The following ASB3 variants were observed in gnomAD, a reference collection of about 807,000 sequenced individuals.
The protein encoded by ASB3 is ankyrin repeat and SOCS box protein 3.
ASB3 carries 41 observed loss-of-function variants against 54.5 expected under a neutral mutation model. The observed-to-expected ratio is 0.75, with a 90% confidence interval of 0.59 to 0.98. The LOEUF (loss-of-function observed/expected upper bound fraction) is 0.98. Ranked by LOEUF, ASB3 falls within the 50% of genes least tolerant of loss-of-function variation. ASB3 has a pLI of 0.00. For synonymous variants in ASB3, 266 were observed against 221.2 expected, an observed-to-expected ratio of 1.20 and a Z score of -1.80; for missense variants, 733 against 620.0, an observed-to-expected ratio of 1.18 and a Z score of -1.94.
chr2:53,730,552 G>C (rs973133851), intron 3 of ASB3, among the ~76,000 whole-genome samples: 1 of 151,992 alleles, frequency 6.6e-6, no homozygotes, highest in African/African-American at 2.4e-5. Context: ...TATTCCTCTG[G>C]GTATATACCC....
At chr2:53,748,357 A>G (rs1672339386) in intron 3 of ASB3, 1 of 152,188 alleles carries the variant, frequency 6.6e-6, no homozygotes, top group Non-Finnish European at 1.5e-5. Context: ...GAGCCTCAAT[A>G]AATGCTTCCT....
rs530726708 is a variant in ASB3 at position 53,759,550 on chromosome 2, A to G, written c.196+5827T>C. On this transcript the variant is annotated intron_variant, in intron 2 of 9. Transcript: ENST00000263634. ...ACCTCAGTTTTTTATAATAAAGATC[A>G]GGAGGAGCAGGCAGAACGGGATAAA... is the stretch of plus-strand genomic sequence containing the variant. 3.3e-5 allele frequency among the ~76,000 whole-genome samples: 5 copies of G among 152,280 alleles called. No homozygotes were observed. The South Asian group carries it at 8.3e-4, about 25-fold the overall frequency.
At chr2:53,709,416 A>T (rs7609067) in intron 7 of ASB3, among the ~76,000 whole-genome samples, 25,447 of 152,184 alleles carry the variant, frequency 0.17, 2,275 homozygotes, top group African/African-American at 0.23. Flanking sequence ...GATGCCCAGC[A>T]TAAAGGGCCT....
Position 53,757,289 on chromosome 2 carries a change from G to A in ASB3, c.197-6348C>T, listed in dbSNP as rs189969388. On this transcript the variant is annotated intron_variant, in intron 2 of 9. Coordinates refer to ENST00000263634, the MANE Select transcript of ASB3 (RefSeq NM_016115.5). ...ATCTGGGAAAGGGCTTTCTAACAAC[G>A]TCCAACCCTTCTGGGTTGGGAGCGT... 3.4e-3 allele frequency among the ~76,000 whole-genome samples: 511 copies of A among 152,320 alleles called. 1 individual carries two copies. The highest frequency in any genetic ancestry group is 0.02 in the Middle Eastern group (6 of 294).
At chr2:53,766,621 A>G (rs1035813353) in intron 1 of ASB3, among the ~76,000 whole-genome samples, 5 of 152,258 alleles carry the variant, frequency 3.3e-5, no homozygotes, top group African/African-American at 1.2e-4. Flanking sequence ...AAAAGGAAGT[A>G]CAGCAACTGT....
At chr2:53,695,562 T>C (rs1669138823) in intron 8 of ASB3, among the ~76,000 whole-genome samples, 1 of 152,108 alleles carries the variant, frequency 6.6e-6, no homozygotes, top group Non-Finnish European at 1.5e-5. Context: ...CAAAGTCATT[T>C]TTATGCAGTT....
intron 7 of ASB3, among the ~76,000 whole-genome samples, chr2:53,709,190 G>C (rs551509521): frequency 6.6e-6 from 1 of 152,190 alleles, no homozygotes; most frequent in Non-Finnish European, 1.5e-5. Context: ...GTGCCCCACT[G>C]TCCTCCACAG....
At chr2:53,743,855 C>T (rs1459495591) in intron 3 of ASB3, among the ~76,000 whole-genome samples, 4 of 151,930 alleles carry the variant, frequency 2.6e-5, no homozygotes, top group Non-Finnish European at 5.9e-5. Context: ...CCAGCCTGGC[C>T]AACATGGTGA....
At chr2:53,679,651 A>G (rs991302559) in intron 9 of ASB3, among the ~76,000 whole-genome samples, 1 of 152,158 alleles carries the variant, frequency 6.6e-6, no homozygotes, top group Non-Finnish European at 1.5e-5. Context: ...TCCCATCTCA[A>G]AAAGAAAACT....
intron 3 of ASB3, among the ~76,000 whole-genome samples, chr2:53,744,042 CAAA>C (rs754362156): frequency 1.2e-4 from 10 of 86,008 alleles, no homozygotes; most frequent in Admixed American, 2.4e-4. Context: ...GACTCTGTCT[CAAA>C]AAAAAAAAAA....
At chr2:53,713,133 A>T (rs889888021) in intron 7 of ASB3, among the ~76,000 whole-genome samples, 3 of 152,228 alleles carry the variant, frequency 2.0e-5, no homozygotes, top group African/African-American at 7.2e-5. Flanking sequence ...TGAGGCCAGG[A>T]GTTCGAGACC....
In ASB3 at chr2:53,744,687, T is replaced by C. The variant is rs576290658; in HGVS notation, c.355+6096A>G. 8.5e-5 allele frequency among the ~76,000 whole-genome samples: 13 copies of C among 152,204 alleles called. No homozygotes were observed. In the South Asian group the frequency reaches 2.5e-3, roughly 29 times the overall value. ...TATTAACATAATATATAAAGAGATA[T>C]GAATGTGAAACCACAAAATTCATAG... On this transcript the variant is annotated intron_variant, in intron 3 of 9. Transcript: ENST00000263634.
At chr2:53,768,998 T>G (rs1243614367) in intron 1 of ASB3, among the ~76,000 whole-genome samples, 1 of 152,244 alleles carries the variant, frequency 6.6e-6, no homozygotes, top group Non-Finnish European at 1.5e-5. Flanking sequence ...TTAGAAACCA[T>G]TCTATCTCAA....
intron 8 of ASB3, 146 bp downstream of exon 8, chr2:53,700,125 G>A: frequency 7.9e-7 from 1 of 1,267,472 alleles, no homozygotes; most frequent in Non-Finnish European, 1.1e-6. Flanking sequence ...CTCATTATTA[G>A]CAGCCACCAA....
At chr2:53,693,840 G>C in intron 9 of ASB3, 44 bp downstream of exon 9, 1 of 1,584,384 alleles carries the variant, frequency 6.3e-7, no homozygotes, top group Non-Finnish European at 8.6e-7. Flanking sequence ...AGAAGCAAGA[G>C]AAGGAAAAGT....
intron 5 of ASB3, among the ~76,000 whole-genome samples, chr2:53,719,096 T>C (rs1210790209): frequency 1.3e-5 from 2 of 152,118 alleles, no homozygotes. Flanking sequence ...GATTTTTGTA[T>C]TTTTAGCAGA....
intron 1 of ASB3, among the ~76,000 whole-genome samples, chr2:53,771,551 CT>C (rs1252712423): frequency 6.6e-6 from 1 of 152,114 alleles, no homozygotes; most frequent in Non-Finnish European, 1.5e-5. Context: ...CTATAACATT[CT>C]TTTTTCCTTA....
intron 5 of ASB3, among the ~76,000 whole-genome samples, chr2:53,720,807 A>G (rs1383037479): frequency 6.6e-6 from 1 of 152,110 alleles, no homozygotes; most frequent in Non-Finnish European, 1.5e-5. Flanking sequence ...CATATAACAT[A>G]CTCCAAGACA....
intron 3 of ASB3, among the ~76,000 whole-genome samples, chr2:53,748,967 GAAGTA>G (rs1672375596): frequency 6.6e-6 from 1 of 151,940 alleles, no homozygotes; most frequent in Non-Finnish European, 1.5e-5. Context: ...CACTGAAGTA[GAAGTA>G]AAGGAGCGTG....
Sources: gnomAD v4.1 joint callset for allele counts (sites outside exome capture counted in the v4.1 genomes callset) on GRCh38, gnomAD v4.1.1 for gene constraint, MANE v1.5 for transcripts, NCBI Gene and HGNC (gene_info 2026-07-23, HGNC 2026-07-21) for gene names.